Variants in DERL2 observed in about 807,000 individuals in gnomAD.
DERL2 encodes the protein derlin-2.
In DERL2, 13 loss-of-function variants were observed where a neutral mutation model predicts 32.0. That is an observed-to-expected ratio of 0.41 (90% CI 0.26 to 0.65). The LOEUF is 0.65. Ranked by LOEUF, DERL2 falls within the 30% of genes least tolerant of loss-of-function variation. The pLI is 0.35. For missense variants in DERL2, 208 were observed against 296.3 expected (o/e 0.70, Z 2.19); for synonymous variants, 111 against 104.7 (o/e 1.06, Z -0.37).
Position 5,473,499 on chromosome 17 carries a change from C to T in DERL2, c.*1185G>A, listed in dbSNP as rs1022171217. ...TGACTAATGTTAACTAGCCAAAGAC[C>T]CTGGAAGAACATATGCCTAGCTAAC... On this transcript the variant is annotated 3_prime_UTR_variant, in exon 7 of 7. Transcript: ENST00000158771. 3 of 151,880 alleles carry T rather than the reference C, an allele frequency of 2.0e-5. No individual in the cohort carries two copies. 9.4% of individuals were successfully genotyped at this position (151,880 alleles called of 1,614,324 possible).
rs968168326 is a variant in DERL2, at chr17:5,473,131, T to C, written c.*1553A>G. On this transcript the variant is annotated 3_prime_UTR_variant, in exon 7 of 7. Coordinates refer to ENST00000158771, the MANE Select transcript of DERL2 (RefSeq NM_016041.5). Reference sequence around the variant, plus strand: ...CCTATGTCTATCTTTCTGAGGACAATGTCACATTCTGGAAAGCTACCCCTT... The same window carrying C: ...CCTATGTCTATCTTTCTGAGGACAACGTCACATTCTGGAAAGCTACCCCTT... 1 of 152,254 alleles carries C rather than the reference T, an allele frequency of 6.6e-6. No individual in the cohort carries two copies. Among genetic ancestry groups the C allele is most frequent in the Admixed American group, 6.5e-5 (1 of 15,288 alleles). The allele number at this position is 152,254 out of a possible 1,614,324, so 9.4% of individuals were successfully genotyped here. A position where few individuals can be genotyped will look rare whatever the true frequency, so the allele number is the denominator to read the frequency against.
chr17:5,483,105 T>A (rs1168427429), intron 2 of DERL2, among the ~76,000 whole-genome samples: 1 of 152,144 alleles, frequency 6.6e-6, no homozygotes, highest in South Asian at 2.1e-4. Flanking sequence ...GACTGTGACA[T>A]TTATAATAAT....
In DERL2 at chr17:5,474,897, C is replaced by T; in HGVS notation, c.615-108G>A. ...GGTTTCCACCAATAGGTAAGCATTA[C>T]ACCTGCCTGCCAATTAAACAGTTAA... On this transcript the variant is annotated intron_variant, in intron 6 of 6. Coordinates refer to ENST00000158771, the MANE Select transcript of DERL2 (RefSeq NM_016041.5). This position sits in a 1 kb window ranked among gnomAD's most constrained non-coding sequence, Gnocchi z 4.3. 1 of 598,510 alleles carries T rather than the reference C, an allele frequency of 1.7e-6. No homozygotes were observed. The highest frequency in any genetic ancestry group is 2.4e-5 in the South Asian group (1 of 42,202). The allele number at this position is 598,510 out of a possible 1,614,324, so 37.1% of individuals were successfully genotyped here. A position where few individuals can be genotyped will look rare whatever the true frequency, so the allele number is the denominator to read the frequency against.
Position 5,482,804 on chromosome 17 carries a change from G to A in DERL2, c.233+5C>T. On this transcript the variant is annotated splice_donor_5th_base_variant and intron_variant, in intron 3 of 6. Transcript: ENST00000158771. ...TTGATGCTGACCCCATTTAATAAAG[G>A]ATACAGAAAAATCATGTTAAATAAA... 6.9e-7 allele frequency: 1 copy of A among 1,454,938 alleles called. No homozygotes were observed. Among genetic ancestry groups the A allele is most frequent in the East Asian group, 2.3e-5 (1 of 43,366 alleles). 90.1% of individuals were successfully genotyped at this position (1,454,938 alleles called of 1,614,324 possible).
In DERL2 at chr17:5,474,636, G is replaced by GT; in HGVS notation, c.*47dup. The stretch of plus-strand genomic sequence containing the variant: ...AACAAAGGATAAAAGATCCCAGTGG[G>GT]TATCACCGAGTCCTTCCCAGCTGGG... On this transcript the variant is annotated 3_prime_UTR_variant, in exon 7 of 7. Transcript: ENST00000158771. The surrounding 1 kb of genome is among the most constrained non-coding windows in gnomAD (Gnocchi z 4.3). 2 of 1,410,000 alleles carry GT rather than the reference G, an allele frequency of 1.4e-6. No homozygotes were observed. 87.3% of individuals were successfully genotyped at this position (1,410,000 alleles called of 1,614,324 possible).
chr17:5,486,195 A>G (rs994847098), upstream of DERL2: 2 of 958,646 alleles, frequency 2.1e-6, no homozygotes, highest in Admixed American at 8.6e-5. Flanking sequence ...CCCCCCACCC[A>G]CCCCATTTCC....
chr17:5,482,246 T>G (rs1357732477), intron 3 of DERL2: 1 of 152,578 alleles, frequency 6.6e-6, no homozygotes, highest in Non-Finnish European at 1.5e-5. Flanking sequence ...GAACTGTAAC[T>G]CCCTCTTAAT....
At chr17:5,480,816 G>C (rs1013667900) in intron 4 of DERL2, 1 of 456,914 alleles carries the variant, frequency 2.2e-6, no homozygotes, top group East Asian at 3.5e-5. Context: ...CTCTGCTTTC[G>C]TGAAGTTCTT....
chr17:5,479,899 C>G (rs561274806), intron 6 of DERL2, among the ~76,000 whole-genome samples, 155 bp downstream of exon 6: 1 of 152,296 alleles, frequency 6.6e-6, no homozygotes, highest in South Asian at 2.1e-4. Context: ...CTACCCAGTC[C>G]AAGTGCTCTT....
In DERL2 at chr17:5,482,945, A is replaced by T. The variant is rs1905889602; in HGVS notation, c.160-63T>A. The T allele has an allele frequency of 5.6e-6, 5 of 900,448 alleles. No individual in the cohort carries two copies. In the South Asian group the frequency reaches 7.8e-5, roughly 14 times the overall value. The allele number at this position is 900,448 out of a possible 1,614,324, so 55.8% of individuals were successfully genotyped here. On this transcript the variant is annotated intron_variant, in intron 2 of 6. Coordinates refer to ENST00000158771, the MANE Select transcript of DERL2 (RefSeq NM_016041.5). ...AAATAAATTACCAGGAAACAGTTCC[A>T]TATTAATACAAAAGAAACATCCTAT...
Position 5,481,266 on chromosome 17 carries a change from C to T in DERL2, c.327+30G>A. 6.5e-7 allele frequency: 1 copy of T among 1,533,706 alleles called. No homozygotes were observed. On this transcript the variant is annotated intron_variant, in intron 4 of 6. Coordinates refer to ENST00000158771, the MANE Select transcript of DERL2 (RefSeq NM_016041.5). This position sits in a 1 kb window ranked among gnomAD's most constrained non-coding sequence, Gnocchi z 4.4. ...TAGGAAGAGCCAGGGTGTTCTTCAA[C>T]ATTTTCCCGTGTTGTTTGTTGAAGG... is the stretch of plus-strand genomic sequence containing the variant.
chr17:5,474,822 C>T lies in DERL2; in HGVS notation c.615-33G>A. ...ACAAGCAACAGATATAATTTGGTCCCAGAGTCATCTCAGGTCCAAAGTACT... is the reference window on the plus strand; with the variant it reads ...ACAAGCAACAGATATAATTTGGTCCTAGAGTCATCTCAGGTCCAAAGTACT... On this transcript the variant is annotated intron_variant, in intron 6 of 6. Coordinates refer to ENST00000158771, the MANE Select transcript of DERL2 (RefSeq NM_016041.5). This position sits in a 1 kb window ranked among gnomAD's most constrained non-coding sequence, Gnocchi z 4.3. 1 of 1,576,086 alleles carries T rather than the reference C, an allele frequency of 6.3e-7. No individual in the cohort carries two copies. The highest frequency in any genetic ancestry group is 8.7e-7 in the Non-Finnish European group (1 of 1,148,476).
intron 1 of DERL2, 111 bp from the exon 2 acceptor site, chr17:5,485,327 T>C (rs1464425709): frequency 1.1e-5 from 8 of 701,002 alleles, no homozygotes; most frequent in East Asian, 2.8e-5. Flanking sequence ...TTAGACGTGA[T>C]TTCCTTTAAG....
At position 5,478,696 on chromosome 17, in the gene DERL2, G is replaced by A. The variant is rs140386934; in HGVS notation, c.614+1358C>T. On this transcript the variant is annotated intron_variant, in intron 6 of 6. Transcript: ENST00000158771. Reference sequence around the variant, plus strand: ...ACAGAAGAGAAAACCAAGCACTAACGTCAATGTCCATCAACAAGGGATTAG... The same window carrying A: ...ACAGAAGAGAAAACCAAGCACTAACATCAATGTCCATCAACAAGGGATTAG... 6.0e-3 allele frequency among the ~76,000 whole-genome samples: 917 copies of A among 152,242 alleles called. 5 individuals are homozygous for A. The highest frequency in any genetic ancestry group is 9.9e-3 in the Non-Finnish European group (676 of 68,020).
chr17:5,474,709 C>A lies in DERL2; in HGVS notation c.695G>T (p.Gly232Val), dbSNP rs1484550212. The change falls in exon 7 of 7, where the codon GGT (glycine) becomes GTT (valine). Residue 232 changes from glycine (G) to valine (V), a missense_variant. This residue lies in a region of DERL2 where 40 missense variants were observed against 38.7 expected (regional missense o/e 1.03). Coordinates refer to ENST00000158771, the MANE Select transcript of DERL2 (RefSeq NM_016041.5). The surrounding 1 kb of genome is among the most constrained non-coding windows in gnomAD (Gnocchi z 4.3). Reference protein sequence around the residue: ...PEERPGGFAWGEGQRLGG With the variant: ...PEERPGGFAWVEGQRLGG ...TTAACCTCCAAGCCGCTGGCCCTCACCCCAGGCGAAGCCTCCTGGCCGTTC... is the reference window on the plus strand; with the variant it reads ...TTAACCTCCAAGCCGCTGGCCCTCAACCCAGGCGAAGCCTCCTGGCCGTTC... 6 of 1,612,630 alleles carry A rather than the reference C, an allele frequency of 3.7e-6. No homozygotes were observed. Among genetic ancestry groups the A allele is most frequent in the Admixed American group, 1.7e-5 (1 of 59,868 alleles).
intron 2 of DERL2, 68 bp downstream of exon 2, chr17:5,485,083 A>G (rs1245396010): frequency 2.6e-6 from 3 of 1,166,032 alleles, no homozygotes; most frequent in South Asian, 1.4e-5. Context: ...GTATAACAGG[A>G]TTTGCTACTA....
chr17:5,485,157 G>C lies in DERL2; in HGVS notation c.153C>G (p.His51Gln). Residue 51 changes from histidine (H) to glutamine (Q), a missense_variant, in exon 2 of 7, where the codon CAC becomes CAG. Coordinates refer to ENST00000158771, the MANE Select transcript of DERL2 (RefSeq NM_016041.5). ...LYFNPELIFK[H>Q]FQIWRLITNF... The stretch of plus-strand genomic sequence containing the variant: ...ATTGTGATGAACCACTTACTTGAAA[G>C]TGTTTAAAGATTAATTCAGGATTGA... 6.3e-7 allele frequency: 1 copy of C among 1,582,076 alleles called. No individual in the cohort carries two copies. The highest frequency in any genetic ancestry group is 8.6e-7 in the Non-Finnish European group (1 of 1,163,886).
rs895992607 is a variant in DERL2, at chr17:5,474,215, G to C, written c.*469C>G. On this transcript the variant is annotated 3_prime_UTR_variant, in exon 7 of 7. Coordinates refer to ENST00000158771, the MANE Select transcript of DERL2 (RefSeq NM_016041.5). The surrounding 1 kb of genome is among the most constrained non-coding windows in gnomAD (Gnocchi z 4.3). The stretch of plus-strand genomic sequence containing the variant: ...CACAGGAAGAACAGCTGTGTAAACT[G>C]TTCTGAGCTCAGATCTACGCAGGAG... The C allele has an allele frequency of 6.6e-6, 1 of 152,348 alleles. No homozygotes were observed. The highest frequency in any genetic ancestry group is 1.5e-5 in the Non-Finnish European group (1 of 68,172). 9.4% of individuals were successfully genotyped at this position (152,348 alleles called of 1,614,324 possible).
upstream of DERL2, chr17:5,486,243 A>C: frequency 2.6e-5 from 28 of 1,095,948 alleles, no homozygotes; most frequent in South Asian, 3.1e-5. Flanking sequence ...GGCGGGCCCA[A>C]AGGCCCCCCG....
Sources: gnomAD v4.1 joint callset for allele counts (sites outside exome capture counted in the v4.1 genomes callset) on GRCh38, gnomAD v4.1.1 for gene constraint, gnomAD v4.1.1 regional missense constraint, Gnocchi (gnomAD v3.1) non-coding constraint, MANE v1.5 for transcripts, NCBI Gene and HGNC (gene_info 2026-07-23, HGNC 2026-07-21) for gene names.